Variants in RIOK2 observed in about 807,000 individuals in gnomAD.
The protein encoded by RIOK2 is RIO kinase 2.
RIOK2 carries 46 observed loss-of-function variants against 62.4 expected under a neutral mutation model. The ratio of observed to expected loss-of-function variants is 0.74; its 90% CI spans 0.58 to 0.94. The LOEUF is 0.94. Ranked by LOEUF, RIOK2 falls within the 40% of genes least tolerant of loss-of-function variation. RIOK2 has a pLI of 0.00. For missense variants in RIOK2, 574 were observed against 658.0 expected (o/e 0.87, Z 1.40); for synonymous variants, 197 against 216.0 (o/e 0.91, Z 0.77).
chr5:97,179,513 G>A (rs949725667), intron 1 of RIOK2, among the ~76,000 whole-genome samples: 1 of 152,006 alleles, frequency 6.6e-6, no homozygotes, highest in Non-Finnish European at 1.5e-5. Context: ...TATTTATTAA[G>A]CAGGTATTTA....
At chr5:97,173,385 T>C (rs1282064687) in intron 4 of RIOK2, 122 bp from the exon 5 acceptor site, 20 of 696,294 alleles carry the variant, frequency 2.9e-5, no homozygotes, top group Non-Finnish European at 4.9e-5. Context: ...AAAATTGTAG[T>C]TAACACATGG....
At chr5:97,180,027 A>AATATATATATTATATATATATAAT (rs1749327269) in intron 1 of RIOK2, among the ~76,000 whole-genome samples, 1 of 63,472 alleles carries the variant, frequency 1.6e-5, no homozygotes, top group Non-Finnish European at 3.0e-5. Context: ...ATATATATAT[A>AATATATATATTATATATATATAAT]ATATATATAT....
intron 4 of RIOK2, among the ~76,000 whole-genome samples, chr5:97,174,559 G>A (rs1473005936): frequency 2.6e-5 from 4 of 151,744 alleles, no homozygotes; most frequent in African/African-American, 4.8e-5. Context: ...ACCAAGAAAC[G>A]CAGTCAGGAC....
rs767593628 is a variant in RIOK2 at position 97,179,157 on chromosome 5, C to A, written c.103G>T (p.Gly35Cys). Residue 35 changes from glycine to cysteine, a missense_variant, in exon 2 of 10, where the codon GGC (glycine) becomes TGC (cysteine). Coordinates refer to ENST00000283109, the MANE Select transcript of RIOK2 (RefSeq NM_018343.3). ...CTGGCTATAGAAGCAATCAAACTGCCGGGAACAATTTCATGGTTCTTCATG... is the reference window on the plus strand; with the variant it reads ...CTGGCTATAGAAGCAATCAAACTGCAGGGAACAATTTCATGGTTCTTCATG... ...MGMKNHEIVP[G>C]SLIASIASLK... The A allele has an allele frequency of 6.2e-7, 1 of 1,613,622 alleles. No homozygotes were observed. Among genetic ancestry groups the A allele is most frequent in the African/African-American group, 1.3e-5 (1 of 74,908 alleles).
At position 97,171,395 on chromosome 5, in the gene RIOK2, C is replaced by A; in HGVS notation, c.590G>T (p.Cys197Phe). 2 of 1,520,522 alleles carry A rather than the reference C, an allele frequency of 1.3e-6. No homozygotes were observed. Among genetic ancestry groups the A allele is most frequent in the Admixed American group, 2.2e-5 (1 of 45,854 alleles). 94.2% of individuals were successfully genotyped at this position (1,520,522 alleles called of 1,614,324 possible). Residue 197 changes from cysteine to phenylalanine, a missense_variant and splice_region_variant, in exon 6 of 10, where the codon TGT becomes TTT. Cys to Phe is a radical substitution (Grantham distance 205). Transcript: ENST00000283109. ...VMELINGYPLCQIHHVEDPAS... is the reference protein window; with the variant it reads ...VMELINGYPLFQIHHVEDPAS... ...AGGATCTTCAACATGGTGTATCTGA[C>A]ATCTGAAAGTATTTTAAGCATGAAA...
intron 1 of RIOK2, 70 bp from the exon 2 acceptor site, chr5:97,179,263 T>G (rs575565029): frequency 3.5e-5 from 52 of 1,474,712 alleles, no homozygotes; most frequent in Non-Finnish European, 4.3e-5. Flanking sequence ...CCTGCGAAAT[T>G]AACTTCTCCT....
intron 4 of RIOK2, among the ~76,000 whole-genome samples, chr5:97,173,856 T>C (rs954152877): frequency 2.0e-5 from 3 of 152,342 alleles, no homozygotes; most frequent in African/African-American, 4.8e-5. Flanking sequence ...TCTCCATACA[T>C]CTTTTCCCCT....
intron 8 of RIOK2, chr5:97,166,957 C>T: frequency 1.2e-6 from 1 of 851,406 alleles, no homozygotes; most frequent in Admixed American, 6.0e-5. Context: ...TGCTCGTCAC[C>T]CAGGCTGGAG....
Position 97,177,284 on chromosome 5 carries a change from G to A in RIOK2, c.330C>T (p.Tyr110=). Residue 110 remains tyrosine (Y), a synonymous_variant, in exon 4 of 10, where the codon TAC becomes TAT. Transcript: ENST00000283109. ...GTTGTCCTTCTTCATTTGCAACAAT[G>A]TAAATATCTAGAGACAAAATTTCAA... ...QMGVGKESDI[Y]IVANEEGQQF... 6.2e-7 allele frequency: 1 copy of A among 1,609,800 alleles called. No homozygotes were observed. Among genetic ancestry groups the A allele is most frequent in the Non-Finnish European group, 8.5e-7 (1 of 1,178,450 alleles).
rs1428545273 is a variant in RIOK2 at position 97,161,353 on chromosome 5, G to T, written c.*1708C>A. ...ACTATGCATGTTTTAAAATGTGAGG[G>T]TTATAGCTTATCTGTTAGGACAAAC... On this transcript the variant is annotated 3_prime_UTR_variant, in exon 10 of 10. Transcript: ENST00000283109. The T allele has an allele frequency of 6.6e-6, 1 of 152,120 alleles. No individual in the cohort carries two copies. The highest frequency in any genetic ancestry group is 2.4e-5 in the African/African-American group (1 of 41,428). The allele number at this position is 152,120 out of a possible 1,614,324, so 9.4% of individuals were successfully genotyped here.
rs909802146 is a variant in RIOK2, at chr5:97,162,354, T to C, written c.*707A>G. On this transcript the variant is annotated 3_prime_UTR_variant, in exon 10 of 10. Transcript: ENST00000283109. The stretch of plus-strand genomic sequence containing the variant: ...TGAGAACATGTTCCGGACCCACTTA[T>C]ATAATAAGCATATGAGAAAGAACAT... The C allele has an allele frequency of 6.6e-6, 1 of 152,244 alleles. No individual in the cohort carries two copies. The highest frequency in any genetic ancestry group is 2.4e-5 in the African/African-American group (1 of 41,428). The allele number at this position is 152,244 out of a possible 1,614,324, so 9.4% of individuals were successfully genotyped here.
intron 1 of RIOK2, among the ~76,000 whole-genome samples, chr5:97,180,142 G>GTATGTGTATATATATATA (rs1350504483): frequency 1.0e-5 from 1 of 96,072 alleles, no homozygotes; most frequent in Non-Finnish European, 2.0e-5. Flanking sequence ...ATATATATAT[G>GTATGTGTATATATATATA]TATATATATA....
Position 97,165,046 on chromosome 5 carries a change from C to T in RIOK2, c.1494+5G>A, listed in dbSNP as rs944664690. The stretch of plus-strand genomic sequence containing the variant: ...ACATTCAGTACATGTTGAATGACTA[C>T]TTACTGGAGGAATTGTTGAACAGCT... On this transcript the variant is annotated splice_donor_5th_base_variant and intron_variant, in intron 9 of 9. Coordinates refer to ENST00000283109, the MANE Select transcript of RIOK2 (RefSeq NM_018343.3). 4 of 1,579,880 alleles carry T rather than the reference C, an allele frequency of 2.5e-6. No individual in the cohort carries two copies. Among genetic ancestry groups the T allele is most frequent in the African/African-American group, 1.4e-5 (1 of 74,010 alleles).
At chr5:97,180,004 T>TAATATATATAA (rs1491354180) in intron 1 of RIOK2, among the ~76,000 whole-genome samples, 1 of 36,692 alleles carries the variant, frequency 2.7e-5, no homozygotes, top group African/African-American at 9.0e-5. Context: ...TATATATATA[T>TAATATATATAA]TATATATATA....
chr5:97,181,914 C>G (rs1420274503), intron 1 of RIOK2, among the ~76,000 whole-genome samples: 1 of 152,158 alleles, frequency 6.6e-6, no homozygotes, highest in East Asian at 1.9e-4. Flanking sequence ...GCAAAGTAAA[C>G]ATTGTCTTCC....
Position 97,174,374 on chromosome 5 carries a change from C to T in RIOK2, c.499-1111G>A, listed in dbSNP as rs566311228. Among the ~76,000 whole-genome samples the T allele has an allele frequency of 9.2e-5, 14 of 152,262 alleles. No individual in the cohort carries two copies. The East Asian group carries it at 1.9e-3, about 21-fold the overall frequency. On this transcript the variant is annotated intron_variant, in intron 4 of 9. Transcript: ENST00000283109. ...GGCAGAGGTTGCAGTGAGTTGATAT[C>T]GTGCCACTGCATTCTAGCCTGGGTG...
chr5:97,173,152 C>T (rs1194029939), intron 5 of RIOK2, 23 bp downstream of exon 5: 2 of 1,504,744 alleles, frequency 1.3e-6, no homozygotes, highest in East Asian at 2.3e-5. Flanking sequence ...GGATTCATGG[C>T]TTTAAGAATA....
rs1018012411 is a variant in RIOK2, at chr5:97,162,938, G to A, written c.*123C>T. ...CACATACTGAATGACCAAATTTATA[G>A]ATGAAAGAGGGTTTATTTATTAATA... is the stretch of plus-strand genomic sequence containing the variant. On this transcript the variant is annotated 3_prime_UTR_variant, in exon 10 of 10. Transcript: ENST00000283109. 1 of 809,234 alleles carries A rather than the reference G, an allele frequency of 1.2e-6. No individual in the cohort carries two copies. Among genetic ancestry groups the A allele is most frequent in the Non-Finnish European group, 1.9e-6 (1 of 534,324 alleles). 50.1% of individuals were successfully genotyped at this position (809,234 alleles called of 1,614,324 possible).
In RIOK2 at chr5:97,162,834, A is replaced by T. The variant is rs575757361; in HGVS notation, c.*227T>A. 4.4e-5 allele frequency: 20 copies of T among 458,942 alleles called. No individual in the cohort carries two copies. The highest frequency in any genetic ancestry group is 4.0e-4 in the African/African-American group (20 of 49,634). The allele number at this position is 458,942 out of a possible 1,614,324, so 28.4% of individuals were successfully genotyped here. A position where few individuals can be genotyped will look rare whatever the true frequency, so the allele number is the denominator to read the frequency against. ...TTTTAAAAATATGCAAATGTCTCTA[A>T]TAAAGTTACGTAACTGTAGTTACCC... On this transcript the variant is annotated 3_prime_UTR_variant, in exon 10 of 10. Coordinates refer to ENST00000283109, the MANE Select transcript of RIOK2 (RefSeq NM_018343.3).
Sources: gnomAD v4.1 joint callset for allele counts (sites outside exome capture counted in the v4.1 genomes callset) on GRCh38, gnomAD v4.1.1 for gene constraint, MANE v1.5 for transcripts, NCBI Gene and HGNC (gene_info 2026-07-23, HGNC 2026-07-21) for gene names.